Variants in LRRC69 observed in about 807,000 individuals in gnomAD.
LRRC69 encodes leucine-rich repeat-containing protein 69.
In LRRC69, 42 loss-of-function variants were observed where a neutral mutation model predicts 37.8. The observed-to-expected ratio is 1.11, with a 90% confidence interval of 0.87 to 1.44. LRRC69 has a LOEUF of 1.44. Ranked by LOEUF, LRRC69 falls within the 40% of genes most tolerant of loss-of-function variation. LRRC69 has a pLI of 0.00. For missense variants in LRRC69, 357 were observed against 401.9 expected, an observed-to-expected ratio of 0.89 and a Z score of 0.96; for synonymous variants, 141 against 143.1, an observed-to-expected ratio of 0.99 and a Z score of 0.11.
At chr8:91,112,995 T>C (rs1813435425) in intron 1 of LRRC69, among the ~76,000 whole-genome samples, 1 of 151,774 alleles carries the variant, frequency 6.6e-6, no homozygotes, top group Non-Finnish European at 1.5e-5. Context: ...AATAATAAAG[T>C]ACTCACAAAC....
At chr8:91,181,962 A>C (rs1457028337) in intron 5 of LRRC69, among the ~76,000 whole-genome samples, 2 of 152,194 alleles carry the variant, frequency 1.3e-5, no homozygotes, top group Non-Finnish European at 2.9e-5. Flanking sequence ...AATGATGATG[A>C]TCTTTTACAT....
chr8:91,198,454 A>G (rs1346645514), intron 6 of LRRC69, among the ~76,000 whole-genome samples: 3 of 152,220 alleles, frequency 2.0e-5, no homozygotes, highest in African/African-American at 4.8e-5. Flanking sequence ...TCATACACAT[A>G]GTAACACCTG....
At chr8:91,180,757 GA>G (rs1809310478) in intron 5 of LRRC69, among the ~76,000 whole-genome samples, 1 of 151,600 alleles carries the variant, frequency 6.6e-6, no homozygotes, top group Admixed American at 6.6e-5. Context: ...AGTTTAGAGG[GA>G]ATGAGGGTCT....
chr8:91,203,337 C>T (rs1426035145), intron 7 of LRRC69, among the ~76,000 whole-genome samples: 1 of 151,792 alleles, frequency 6.6e-6, no homozygotes, highest in Admixed American at 6.6e-5. Flanking sequence ...CATTATGCTC[C>T]AGTAGTCTTT....
chr8:91,200,860 A>G (rs749920733), intron 7 of LRRC69, 68 bp downstream of exon 7: 3 of 1,351,958 alleles, frequency 2.2e-6, no homozygotes, highest in Middle Eastern at 1.8e-4. Flanking sequence ...TATCTAAATC[A>G]GTTAATACTA....
At position 91,107,652 on chromosome 8, in the gene LRRC69, T is replaced by A. The variant is rs574473936; in HGVS notation, c.183+4808T>A. On this transcript the variant is annotated intron_variant, in intron 1 of 7. Coordinates refer to ENST00000448384, the Ensembl canonical transcript of LRRC69. ...ACCATTATGATATGACTAGCAACAA[T>A]GATAAAATGAGGGGGTAGGGGTTCT... Among the ~76,000 whole-genome samples, 3 of 152,126 alleles carry A rather than the reference T, an allele frequency of 2.0e-5. No individual in the cohort carries two copies. The South Asian group carries it at 6.2e-4, about 32-fold the overall frequency.
intron 1 of LRRC69, among the ~76,000 whole-genome samples, chr8:91,124,120 T>A (rs757335877): frequency 3.3e-5 from 5 of 151,922 alleles, no homozygotes; most frequent in Non-Finnish European, 7.4e-5. Context: ...GTAACTTAGC[T>A]CCTTTGCTGA....
At chr8:91,136,626 CCAG>C (rs1389788170) in intron 5 of LRRC69, among the ~76,000 whole-genome samples, 1 of 152,012 alleles carries the variant, frequency 6.6e-6, no homozygotes, top group East Asian at 1.9e-4. Flanking sequence ...TTCATCTTCT[CCAG>C]CTGAAACTCT....
intron 5 of LRRC69, among the ~76,000 whole-genome samples, chr8:91,188,941 C>T (rs1809447244): frequency 6.6e-6 from 1 of 151,932 alleles, no homozygotes. Flanking sequence ...TCTCTTGCCT[C>T]AGCCTCCCGA....
chr8:91,115,109 T>C (rs1441838286), intron 1 of LRRC69, among the ~76,000 whole-genome samples: 1 of 151,902 alleles, frequency 6.6e-6, no homozygotes, highest in Non-Finnish European at 1.5e-5. Flanking sequence ...TAAATAAGTT[T>C]TGGAGAGCTA....
intron 7 of LRRC69, among the ~76,000 whole-genome samples, chr8:91,215,163 T>G (rs1287386076): frequency 6.6e-6 from 1 of 152,132 alleles, no homozygotes; most frequent in Non-Finnish European, 1.5e-5. Context: ...ATGTCCCTTT[T>G]GCTATGTGAG....
At chr8:91,135,674 T>C in exon 5 of LRRC69, 1 of 1,467,114 alleles carries the variant, frequency 6.8e-7, no homozygotes, top group Non-Finnish European at 9.0e-7. Context: ...ACAGGAACTT[T>C]GTGATCTTAA....
chr8:91,132,895 A>G (rs764522282), intron 3 of LRRC69, among the ~76,000 whole-genome samples: 2 of 151,990 alleles, frequency 1.3e-5, no homozygotes, highest in Admixed American at 6.6e-5. Context: ...TACTTTTAAC[A>G]TAAGCCATCT....
At chr8:91,155,171 T>C (rs1184135286) in intron 5 of LRRC69, among the ~76,000 whole-genome samples, 1 of 151,224 alleles carries the variant, frequency 6.6e-6, no homozygotes, top group Non-Finnish European at 1.5e-5. Flanking sequence ...TAACAAAGGA[T>C]GTGAAGGACC....
At chr8:91,194,608 C>G (rs1809561330) in intron 6 of LRRC69, among the ~76,000 whole-genome samples, 1 of 151,702 alleles carries the variant, frequency 6.6e-6, no homozygotes, top group African/African-American at 2.4e-5. Flanking sequence ...TTATCCATTT[C>G]TTCTAGATTT....
intron 7 of LRRC69, chr8:91,206,680 GTCTC>G (rs1330946659): frequency 7.8e-7 from 1 of 1,288,982 alleles, no homozygotes; most frequent in East Asian, 5.5e-5. Flanking sequence ...CTTATTTCAT[GTCTC>G]TCTTTCAGAA....
chr8:91,205,380 C>T (rs1027817926), intron 7 of LRRC69: 3 of 152,242 alleles, frequency 2.0e-5, no homozygotes, highest in Admixed American at 6.5e-5. Flanking sequence ...CATTTATAAT[C>T]CTGTAGAATG....
chr8:91,194,717 G>A (rs920839153), intron 6 of LRRC69, among the ~76,000 whole-genome samples: 21 of 152,000 alleles, frequency 1.4e-4, no homozygotes, highest in African/African-American at 3.9e-4. Context: ...TTTTTATTGC[G>A]TCTATTTGAT....
chr8:91,107,941 G>A (rs1813346885), intron 1 of LRRC69, among the ~76,000 whole-genome samples: 1 of 152,034 alleles, frequency 6.6e-6, no homozygotes, highest in African/African-American at 2.4e-5. Context: ...ATGTCAACAT[G>A]AGTGAAATGG....
Sources: allele counts gnomAD v4.1 joint callset (sites outside exome capture counted in the v4.1 genomes callset), GRCh38; gene constraint gnomAD v4.1.1; transcripts MANE v1.5; gene names NCBI Gene and HGNC (gene_info 2026-07-23, HGNC 2026-07-21).